GPHN: variants seen among roughly 807,000 people sequenced by gnomAD.
GPHN encodes the protein gephyrin.
GPHN carries 17 observed loss-of-function variants against 95.5 expected under a neutral mutation model. The observed-to-expected ratio is 0.18, with a 90% CI of 0.12 to 0.27. The LOEUF (loss-of-function observed/expected upper bound fraction) is 0.27, where lower values mean the gene tolerates loss of function less well. Ranked by LOEUF, GPHN falls within the 10% of genes least tolerant of loss-of-function variation. The probability of loss-of-function intolerance (pLI) is 1.00; values close to 1 mark genes in which losing one functional copy is unlikely to be tolerated. For synonymous variants in GPHN, 320 were observed against 322.5 expected, an observed-to-expected ratio of 0.99 and a Z score of 0.08; for missense variants, 660 against 978.1, an observed-to-expected ratio of 0.67 and a Z score of 4.34.
intron 1 of GPHN, among the ~76,000 whole-genome samples, chr14:66,519,048 C>T (rs577675131): frequency 1.2e-3 from 181 of 152,042 alleles, no homozygotes; most frequent in African/African-American, 4.0e-3. Flanking sequence ...CTAATCTGAT[C>T]ACCATACATT....
At chr14:66,660,152 G>A (rs1052075547) in intron 1 of GPHN, among the ~76,000 whole-genome samples, 1 of 151,998 alleles carries the variant, frequency 6.6e-6, no homozygotes, top group African/African-American at 2.4e-5. Context: ...TTCATGTGAA[G>A]TGTAGGAAAC....
the GPHN span, among the ~76,000 whole-genome samples, chr14:67,556,932 G>C: frequency 6.6e-6 from 1 of 152,136 alleles, no homozygotes; most frequent in Non-Finnish European, 1.5e-5. Flanking sequence ...CTCCTAGGCT[G>C]TTTGTCCTGC....
At chr14:67,275,394 T>C in the GPHN span, among the ~76,000 whole-genome samples, 4 of 152,154 alleles carry the variant, frequency 2.6e-5, no homozygotes, top group African/African-American at 9.7e-5. Context: ...GTTTTTGTCT[T>C]TGGTTTTGTT....
intron 2 of GPHN, among the ~76,000 whole-genome samples, chr14:66,695,710 A>G (rs2068062103): frequency 6.6e-6 from 1 of 152,238 alleles, no homozygotes; most frequent in Non-Finnish European, 1.5e-5. Flanking sequence ...TGAGAAGATA[A>G]GAAGGAAACT....
In GPHN at chr14:67,023,626, TC is replaced by T. The variant is rs1377882242; in HGVS notation, c.964-6del. On this transcript the variant is annotated splice_region_variant and splice_polypyrimidine_tract_variant and intron_variant, in intron 9 of 22. Coordinates refer to ENST00000478722, the MANE Select transcript of GPHN (RefSeq NM_020806.5). Reference sequence around the variant, plus strand: ...CCTAAATTACTGAGTTTATGCTCTTTCTACAGGTCCAGTCCAGGTGCAGCAG... The same window carrying T: ...CCTAAATTACTGAGTTTATGCTCTTTTACAGGTCCAGTCCAGGTGCAGCAG... The T allele has an allele frequency of 6.2e-7, 1 of 1,612,716 alleles. No homozygotes were observed. Among genetic ancestry groups the T allele is most frequent in the Admixed American group, 1.7e-5 (1 of 60,014 alleles).
chr14:67,591,499 T>C, the GPHN span, among the ~76,000 whole-genome samples: 7 of 152,238 alleles, frequency 4.6e-5, no homozygotes. Context: ...CATAAATACC[T>C]ACCTCTAAAT....
intron 8 of GPHN, among the ~76,000 whole-genome samples, chr14:66,952,656 G>A (rs1344422599): frequency 6.6e-6 from 1 of 152,060 alleles, no homozygotes; most frequent in Non-Finnish European, 1.5e-5. Flanking sequence ...ATGTATGAGG[G>A]TTCCAGTTTC....
chr14:66,801,256 A>G (rs547407638), intron 3 of GPHN, among the ~76,000 whole-genome samples: 104 of 152,206 alleles, frequency 6.8e-4, no homozygotes, highest in Non-Finnish European at 1.3e-3. Flanking sequence ...TGATACTTGC[A>G]GATGTTCATC....
At chr14:67,227,634 T>C in the GPHN span, 1 of 152,144 alleles carries the variant, frequency 6.6e-6, no homozygotes, top group Non-Finnish European at 1.5e-5. Context: ...TTATTTGGAC[T>C]CTTATTTACT....
chr14:67,462,932 C>T, the GPHN span, among the ~76,000 whole-genome samples: 1 of 152,208 alleles, frequency 6.6e-6, no homozygotes, highest in Non-Finnish European at 1.5e-5. Flanking sequence ...AACTGTATTG[C>T]AATTAGTAAG....
Position 66,803,572 on chromosome 14 carries a change from TA to T in GPHN, c.202-20901del, listed in dbSNP as rs553043374. ...TCTTTCTTGAATTTGAGGAAATTCT[TA>T]GACATTATTTTTGGTTATTACTTCT... On this transcript the variant is annotated intron_variant, in intron 3 of 22. Coordinates refer to ENST00000478722, the MANE Select transcript of GPHN (RefSeq NM_020806.5). Among the ~76,000 whole-genome samples, 40 of 152,344 alleles carry T rather than the reference TA, an allele frequency of 2.6e-4. No individual in the cohort carries two copies. The South Asian group carries it at 8.3e-3, about 32-fold the overall frequency.
In GPHN at chr14:66,776,485, A is replaced by G. The variant is rs753182110; in HGVS notation, c.165A>G (p.Ala55=). The change falls in exon 3 of 23, where the codon GCA becomes GCG. Residue 55 remains alanine, a synonymous_variant. Transcript: ENST00000478722. ...TCAGGTTGGGTGGGACTATATCAGC[A>G]TACAAGATAGTACCAGATGAAATAG... ...DPSLLGGTIS[A]YKIVPDEIEE... 1.3e-6 allele frequency: 2 copies of G among 1,578,972 alleles called. No individual in the cohort carries two copies. Among genetic ancestry groups the G allele is most frequent in the Non-Finnish European group, 1.7e-6 (2 of 1,149,550 alleles).
the GPHN span, among the ~76,000 whole-genome samples, chr14:67,483,844 G>A: frequency 1.3e-5 from 2 of 152,376 alleles, no homozygotes; most frequent in Admixed American, 1.3e-4. Flanking sequence ...AGCATGTCAG[G>A]AGGAGCGGTC....
chr14:67,537,669 G>C, the GPHN span, among the ~76,000 whole-genome samples: 1 of 151,566 alleles, frequency 6.6e-6, no homozygotes, highest in African/African-American at 2.4e-5. Flanking sequence ...TGTCTCAAAA[G>C]AAAAAGAAAA....
chr14:66,961,983 C>T (rs2068980474), intron 8 of GPHN, among the ~76,000 whole-genome samples: 1 of 129,710 alleles, frequency 7.7e-6, no homozygotes, highest in East Asian at 2.1e-4. Flanking sequence ...ACATGGGTAT[C>T]ATAACACCCA....
At chr14:67,199,943 C>T in the GPHN span, 5 of 1,389,270 alleles carry the variant, frequency 3.6e-6, no homozygotes, top group Non-Finnish European at 4.9e-6. Context: ...CAAGCTCACC[C>T]ATTCCCACCA....
the GPHN span, among the ~76,000 whole-genome samples, chr14:67,637,410 C>CAAAAAAAA: frequency 1.9e-5 from 2 of 103,620 alleles, no homozygotes; most frequent in Non-Finnish European, 3.5e-5. Flanking sequence ...GACTCTGTCT[C>CAAAAAAAA]AAAAAAAAAA....
chr14:66,826,946 C>G (rs2061407067), intron 4 of GPHN, among the ~76,000 whole-genome samples: 1 of 152,096 alleles, frequency 6.6e-6, no homozygotes, highest in African/African-American at 2.4e-5. Context: ...GCTATCTAGG[C>G]ACCCACCCTA....
At chr14:66,603,828 C>T (rs529034702) in intron 1 of GPHN, among the ~76,000 whole-genome samples, 5 of 136,962 alleles carry the variant, frequency 3.7e-5, no homozygotes, top group African/African-American at 1.4e-4. Flanking sequence ...CATAATTCCT[C>T]AAATCTAAAA....
Sources: gnomAD v4.1 joint callset for allele counts (sites outside exome capture counted in the v4.1 genomes callset) on GRCh38, gnomAD v4.1.1 for gene constraint, MANE v1.5 for transcripts, NCBI Gene and HGNC (gene_info 2026-07-23, HGNC 2026-07-21) for gene names.